The following IRF4 variants were observed in gnomAD, a reference collection of about 807,000 sequenced individuals.
IRF4 encodes interferon regulatory factor 4, also known as lymphocyte-specific interferon regulatory factor.
Under a neutral mutation model 55.5 loss-of-function variants are expected in IRF4, and 13 were observed. The ratio of observed to expected loss-of-function variants is 0.23; its 90% CI spans 0.15 to 0.37. The LOEUF (loss-of-function observed/expected upper bound fraction) is 0.37. Ranked by LOEUF, IRF4 falls within the 10% of genes least tolerant of loss-of-function variation. The pLI, the probability that IRF4 is intolerant of heterozygous loss-of-function variation, is 1.00. For synonymous variants in IRF4, 249 were observed against 240.7 expected, an observed-to-expected ratio of 1.03 and a Z score of -0.32; for missense variants, 397 against 593.8, an observed-to-expected ratio of 0.67 and a Z score of 3.44.
chr6:407,127 A>G (rs1418629641), intron 8 of IRF4, among the ~76,000 whole-genome samples: 3 of 152,252 alleles, frequency 2.0e-5, no homozygotes, highest in Non-Finnish European at 4.4e-5. Flanking sequence ...ATTACCCTGC[A>G]GATTCCCTCA....
rs770816282 is a variant in IRF4 at position 401,491 on chromosome 6, C to T, written c.813C>T (p.Pro271=). ...TGAAGGAGCTGACCACGTCCAGCCCCGAGGGCTGCCGGATCTCCCATGGAC... is the reference window on the plus strand; with the variant it reads ...TGAAGGAGCTGACCACGTCCAGCCCTGAGGGCTGCCGGATCTCCCATGGAC... The part of the protein sequence containing the change: ...ILVKELTTSS[P]EGCRISHGHT... Residue 271 remains proline (P), a synonymous_variant, in exon 7 of 9, where the codon CCC becomes CCT. Coordinates refer to ENST00000380956, the MANE Select transcript of IRF4 (RefSeq NM_002460.4). The T allele has an allele frequency of 9.9e-6, 16 of 1,613,800 alleles. No homozygotes were observed. Among genetic ancestry groups the T allele is most frequent in the African/African-American group, 2.7e-5 (2 of 74,934 alleles).
At chr6:403,523 A>C (rs747472697) in intron 7 of IRF4, among the ~76,000 whole-genome samples, 1 of 152,234 alleles carries the variant, frequency 6.6e-6, no homozygotes, top group Non-Finnish European at 1.5e-5. Context: ...GAAGGTGCAC[A>C]TTGAGTCACA....
At chr6:406,853 G>T in intron 8 of IRF4, 1 of 1,126,886 alleles carries the variant, frequency 8.9e-7, no homozygotes, top group Non-Finnish European at 1.1e-6. Context: ...TGCCTTAGAT[G>T]CTGTAAATTC....
rs750446354 is a variant in IRF4 at position 401,863 on chromosome 6, C to T, written c.1099+86C>T. On this transcript the variant is annotated intron_variant, in intron 7 of 8. Coordinates refer to ENST00000380956, the MANE Select transcript of IRF4 (RefSeq NM_002460.4). ...AGAAACCACAGGGTCCCTCCCACCCCAGGCTGAGGTCTTCCTCCTGTTGAC... is the reference window on the plus strand; with the variant it reads ...AGAAACCACAGGGTCCCTCCCACCCTAGGCTGAGGTCTTCCTCCTGTTGAC... The T allele has an allele frequency of 1.8e-5, 22 of 1,213,128 alleles. No homozygotes were observed. The East Asian group carries it at 2.5e-4, about 14-fold the overall frequency. 75.1% of individuals were successfully genotyped at this position (1,213,128 alleles called of 1,614,324 possible).
At chr6:395,039 C>CAG in intron 3 of IRF4, 32 bp downstream of exon 3, 5 of 1,506,322 alleles carry the variant, frequency 3.3e-6, no homozygotes, top group Non-Finnish European at 4.5e-6. Context: ...GGTCACCTAA[C>CAG]AGAGGCAGCC....
In IRF4 at chr6:410,555, G is replaced by T. The variant is rs1761672676; in HGVS notation, c.*2957G>T. 1 of 230,110 alleles carries T rather than the reference G, an allele frequency of 4.3e-6. No homozygotes were observed. Among genetic ancestry groups the T allele is most frequent in the Admixed American group, 5.7e-5 (1 of 17,658 alleles). The allele number at this position is 230,110 out of a possible 1,614,324, so 14.3% of individuals were successfully genotyped here. A position where few individuals can be genotyped will look rare whatever the true frequency, so the allele number is the denominator to read the frequency against. ...CAGGTAGGTATTAGTGTTTGAAAAAGCTGGTCTTTGAGCGAGGGCATAAAT... is the reference window on the plus strand; with the variant it reads ...CAGGTAGGTATTAGTGTTTGAAAAATCTGGTCTTTGAGCGAGGGCATAAAT... On this transcript the variant is annotated 3_prime_UTR_variant, in exon 9 of 9. Coordinates refer to ENST00000380956, the MANE Select transcript of IRF4 (RefSeq NM_002460.4).
Position 408,029 on chromosome 6 carries a change from A to G in IRF4, c.*431A>G, listed in dbSNP as rs1424185729. On this transcript the variant is annotated 3_prime_UTR_variant, in exon 9 of 9. Coordinates refer to ENST00000380956, the MANE Select transcript of IRF4 (RefSeq NM_002460.4). Reference sequence around the variant, plus strand: ...TGTGTTCTGTAGACTGCCATCATTGATGATCACTGTGAAAATTGACCAAGT... The same window carrying G: ...TGTGTTCTGTAGACTGCCATCATTGGTGATCACTGTGAAAATTGACCAAGT... The G allele has an allele frequency of 1.1e-5, 3 of 265,572 alleles. No homozygotes were observed. The highest frequency in any genetic ancestry group is 2.1e-5 in the Non-Finnish European group (3 of 139,808). 16.5% of individuals were successfully genotyped at this position (265,572 alleles called of 1,614,324 possible). A position where few individuals can be genotyped will look rare whatever the true frequency, so the allele number is the denominator to read the frequency against.
At chr6:399,877 G>A (rs1761355672) in intron 6 of IRF4, among the ~76,000 whole-genome samples, 1 of 152,172 alleles carries the variant, frequency 6.6e-6, no homozygotes, top group Non-Finnish European at 1.5e-5. Context: ...GATGCCCTTT[G>A]GGAGGAGGTG....
At position 411,084 on chromosome 6, in the gene IRF4, C is replaced by T. The variant is rs1030244845; in HGVS notation, c.*3486C>T. 1.7e-5 allele frequency: 4 copies of T among 233,274 alleles called. No individual in the cohort carries two copies. The highest frequency in any genetic ancestry group is 6.0e-5 in the East Asian group (1 of 16,750). The allele number at this position is 233,274 out of a possible 1,614,324, so 14.5% of individuals were successfully genotyped here. On this transcript the variant is annotated 3_prime_UTR_variant, in exon 9 of 9. Coordinates refer to ENST00000380956, the MANE Select transcript of IRF4 (RefSeq NM_002460.4). ...AGGGGACGTGAGAGAAGGGCCAGGC[C>T]GGCAGGCCAACCCTCCTCCAATGGA...
At position 393,317 on chromosome 6, in the gene IRF4, G is replaced by A. The variant is rs748194946; in HGVS notation, c.165G>A (p.Lys55=). 2.4e-5 allele frequency: 38 copies of A among 1,608,428 alleles called. No individual in the cohort carries two copies. In the Middle Eastern group the frequency reaches 1.8e-3, roughly 77 times the overall value. ...EEKSIFRIPW[K]HAGKQDYNRE... ...AGAGCATCTTCCGCATCCCCTGGAA[G>A]CACGCGGGCAAGCAGGACTACAACC... is the stretch of plus-strand genomic sequence containing the variant. The change falls in exon 2 of 9, where the codon AAG becomes AAA. Residue 55 remains lysine (K), a synonymous_variant. Coordinates refer to ENST00000380956, the MANE Select transcript of IRF4 (RefSeq NM_002460.4). This position sits in a 1 kb window ranked among gnomAD's most constrained non-coding sequence, Gnocchi z 5.4.
chr6:401,871 G>A, intron 7 of IRF4, 94 bp downstream of exon 7: 2 of 1,138,772 alleles, frequency 1.8e-6, no homozygotes, highest in Non-Finnish European at 2.5e-6. Context: ...CCCAGGCTGA[G>A]GTCTTCCTCC....
Position 408,786 on chromosome 6 carries a change from C to T in IRF4, c.*1188C>T. ...CAGGCTGGAGAGCACTGCCAGGACCCACCACTGGAAGCAGGATGGAGCTGA... is the reference window on the plus strand; with the variant it reads ...CAGGCTGGAGAGCACTGCCAGGACCTACCACTGGAAGCAGGATGGAGCTGA... On this transcript the variant is annotated 3_prime_UTR_variant, in exon 9 of 9. Transcript: ENST00000380956. 1.3e-5 allele frequency: 3 copies of T among 233,446 alleles called. No homozygotes were observed. Among genetic ancestry groups the T allele is most frequent in the Non-Finnish European group, 2.5e-5 (3 of 118,068 alleles). 14.5% of individuals were successfully genotyped at this position (233,446 alleles called of 1,614,324 possible).
intron 6 of IRF4, 60 bp from the exon 7 acceptor site, chr6:401,364 G>T: frequency 1.5e-6 from 2 of 1,312,190 alleles, no homozygotes; most frequent in Non-Finnish European, 2.1e-6. Flanking sequence ...CTGTGGAGTC[G>T]TTGGCCTCGA....
intron 7 of IRF4, among the ~76,000 whole-genome samples, chr6:402,954 C>A (rs1450736344): frequency 6.6e-6 from 1 of 152,224 alleles, no homozygotes; most frequent in African/African-American, 2.4e-5. Flanking sequence ...ATCGCTTGAA[C>A]CTGTGGGAGG....
rs553335369 is a variant in IRF4, at chr6:410,912, A to G, written c.*3314A>G. The G allele has an allele frequency of 7.6e-4, 177 of 232,660 alleles. No individual in the cohort carries two copies. Among genetic ancestry groups the G allele is most frequent in the Non-Finnish European group, 1.2e-3 (144 of 117,636 alleles). 14.4% of individuals were successfully genotyped at this position (232,660 alleles called of 1,614,324 possible). On this transcript the variant is annotated 3_prime_UTR_variant, in exon 9 of 9. Coordinates refer to ENST00000380956, the MANE Select transcript of IRF4 (RefSeq NM_002460.4). ...CACCATTTTGTAAGTTATGTTTTAC[A>G]TGCCCCGTTTTTGAGACTGATCTCG...
At chr6:407,116 AATTACCCTGCAG>A (rs1468223514) in intron 8 of IRF4, among the ~76,000 whole-genome samples, 1 of 152,218 alleles carries the variant, frequency 6.6e-6, no homozygotes, top group Non-Finnish European at 1.5e-5. Context: ...CATTGGCCTA[AATTACCCTGCAG>A]ATTCCCTCAG....
intron 6 of IRF4, among the ~76,000 whole-genome samples, chr6:399,392 C>G (rs1761344674): frequency 6.6e-6 from 1 of 151,994 alleles, no homozygotes; most frequent in Non-Finnish European, 1.5e-5. Context: ...GGTCCCTCAT[C>G]TCTAAAACAT....
chr6:391,798 G>C lies in IRF4; in HGVS notation c.-67G>C, dbSNP rs534422912. The C allele has an allele frequency of 4.4e-6, 2 of 456,032 alleles. No individual in the cohort carries two copies. The highest frequency in any genetic ancestry group is 1.5e-5 in the South Asian group (1 of 64,556). The allele number at this position is 456,032 out of a possible 1,614,324, so 28.2% of individuals were successfully genotyped here. A position where few individuals can be genotyped will look rare whatever the true frequency, so the allele number is the denominator to read the frequency against. On this transcript the variant is annotated 5_prime_UTR_variant, in exon 1 of 9. Transcript: ENST00000380956. ...GACCCACCGCTGCCCTCAGCTCCGAGTCCAGGGCGAGGTAAGGGCTGGAGT... is the reference window on the plus strand; with the variant it reads ...GACCCACCGCTGCCCTCAGCTCCGACTCCAGGGCGAGGTAAGGGCTGGAGT...
Position 394,838 on chromosome 6 carries a change from A to G in IRF4, c.234A>G (p.Lys78=), listed in dbSNP as rs1356365052. 10 of 1,613,846 alleles carry G rather than the reference A, an allele frequency of 6.2e-6. No individual in the cohort carries two copies. Among genetic ancestry groups the G allele is most frequent in the Admixed American group, 1.7e-5 (1 of 59,944 alleles). ...CCCACCAGGCTTGGGCACTGTTTAA[A>G]GGAAAGTTCCGAGAAGGCATCGACA... ...AALFKAWALF[K]GKFREGIDKP... The change falls in exon 3 of 9, where the codon AAA becomes AAG. Residue 78 remains lysine, a synonymous_variant. Coordinates refer to ENST00000380956, the MANE Select transcript of IRF4 (RefSeq NM_002460.4).
Sources: gnomAD v4.1 joint callset for allele counts (sites outside exome capture counted in the v4.1 genomes callset) on GRCh38, gnomAD v4.1.1 for gene constraint, Gnocchi (gnomAD v3.1) non-coding constraint, MANE v1.5 for transcripts, NCBI Gene and HGNC (gene_info 2026-07-23, HGNC 2026-07-21) for gene names.